Variants in SETD1B observed in about 807,000 individuals in gnomAD.
SETD1B encodes the protein histone-lysine N-methyltransferase SETD1B.
Under a neutral mutation model 148.0 loss-of-function variants are expected in SETD1B, and 7 were observed. The observed-to-expected ratio is 0.05, with a 90% CI of 0.03 to 0.09. SETD1B has a LOEUF of 0.09. SETD1B is among the 10% of genes least tolerant of loss of function. The pLI is 1.00. For synonymous variants in SETD1B, 1,361 were observed against 1,186.5 expected, an observed-to-expected ratio of 1.15 and a Z score of -3.02; for missense variants, 2,155 against 2,729.9, an observed-to-expected ratio of 0.79 and a Z score of 4.69.
In SETD1B at chr12:121,806,025, G is replaced by T; in HGVS notation, c.464G>T (p.Arg155Leu). The T allele has an allele frequency of 1.3e-6, 2 of 1,551,542 alleles. No homozygotes were observed. The highest frequency in any genetic ancestry group is 1.7e-6 in the Non-Finnish European group (2 of 1,146,924). ...GCCAAGGTGGTCTTTGCCACGGTCC[G>T]GGGAGCCAAGGATGCCGTTCAGCAC... ...GIAKVVFATV[R>L]GAKDAVQHLH... is the part of the protein sequence containing the mutation. Residue 155 changes from arginine to leucine, a missense_variant, in exon 4 of 17, where the codon CGG becomes CTG. Arg to Leu is a moderately radical substitution (Grantham distance 102). Coordinates refer to ENST00000604567, the MANE Select transcript of SETD1B (RefSeq NM_001353345.2).
intron 5 of SETD1B, among the ~76,000 whole-genome samples, chr12:121,809,014 C>T (rs558534281): frequency 6.6e-6 from 1 of 152,202 alleles, no homozygotes; most frequent in South Asian, 2.1e-4. Context: ...GGATTACAGG[C>T]ACACGCCACC....
Position 121,808,063 on chromosome 12 carries a change from G to T in SETD1B, c.545-145G>T. ...GGGACCCTGAGCGAGGTGCAGAGGGGTGGGAACTCAGGGCCACACAGCCTC... is the reference window on the plus strand; with the variant it reads ...GGGACCCTGAGCGAGGTGCAGAGGGTTGGGAACTCAGGGCCACACAGCCTC... On this transcript the variant is annotated intron_variant, in intron 4 of 16. Coordinates refer to ENST00000604567, the MANE Select transcript of SETD1B (RefSeq NM_001353345.2). The surrounding 1 kb of genome is among the most constrained non-coding windows in gnomAD (Gnocchi z 5.3). 3 of 607,178 alleles carry T rather than the reference G, an allele frequency of 4.9e-6. No homozygotes were observed. Among genetic ancestry groups the T allele is most frequent in the Non-Finnish European group, 8.9e-6 (3 of 338,682 alleles). The allele number at this position is 607,178 out of a possible 1,614,324, so 37.6% of individuals were successfully genotyped here. A position where few individuals can be genotyped will look rare whatever the true frequency, so the allele number is the denominator to read the frequency against.
At chr12:121,796,582 CCT>C in the SETD1B span, among the ~76,000 whole-genome samples, 1 of 152,236 alleles carries the variant, frequency 6.6e-6, no homozygotes. Context: ...GAAGCTACTC[CCT>C]GAGGTCCCAG....
chr12:121,806,672 C>T (rs185951204), intron 4 of SETD1B, among the ~76,000 whole-genome samples: 1 of 152,268 alleles, frequency 6.6e-6, no homozygotes, highest in East Asian at 1.9e-4. Context: ...AGAGCAGAGC[C>T]GGGAAGAGGG....
At chr12:121,799,178 T>G (rs1019320701), upstream of SETD1B, 1 of 152,220 alleles carries the variant, frequency 6.6e-6, no homozygotes, top group Non-Finnish European at 1.5e-5. Context: ...AGCCCTGTTT[T>G]CGGAGATGGA....
Position 121,810,275 on chromosome 12 carries a change from G to A in SETD1B, c.1330G>A (p.Ala444Thr), listed in dbSNP as rs1440946343. Residue 444 changes from alanine (A) to threonine (T), a missense_variant, in exon 6 of 17, where the codon GCC (alanine) becomes ACC (threonine). By Grantham distance (58) the Ala-to-Thr change is moderately conservative. Around this residue, in one of 11 missense-constraint regions of SETD1B, gnomAD observed 376 missense variants for 385.0 expected, o/e 0.98. Transcript: ENST00000604567. This position sits in a 1 kb window ranked among gnomAD's most constrained non-coding sequence, Gnocchi z 7.6. ...ACCCCTGCCACCTGCTGAGCCTCTG[G>A]CCAAGGAGAAGCCAGGCACGCCACC... Reference protein sequence around the residue: ...PPPLPPAEPLAKEKPGTPPGP... With the variant: ...PPPLPPAEPLTKEKPGTPPGP... 3.2e-6 allele frequency: 5 copies of A among 1,544,524 alleles called. No individual in the cohort carries two copies. Among genetic ancestry groups the A allele is most frequent in the Non-Finnish European group, 3.5e-6 (4 of 1,146,726 alleles).
In SETD1B at chr12:121,817,827, G is replaced by C. The variant is rs937609048; in HGVS notation, c.3341G>C (p.Arg1114Pro). 2 of 1,550,972 alleles carry C rather than the reference G, an allele frequency of 1.3e-6. No individual in the cohort carries two copies. Among genetic ancestry groups the C allele is most frequent in the Non-Finnish European group, 1.7e-6 (2 of 1,146,646 alleles). The change falls in exon 10 of 17, where the codon CGG (arginine) becomes CCG (proline). Residue 1114 changes from arginine (R) to proline (P), a missense_variant. Physicochemically the swap from Arg to Pro is moderately radical, Grantham distance 103. Coordinates refer to ENST00000604567, the MANE Select transcript of SETD1B (RefSeq NM_001353345.2). The surrounding 1 kb of genome is among the most constrained non-coding windows in gnomAD (Gnocchi z 8.1). The stretch of plus-strand genomic sequence containing the variant: ...GACGACGATGACGACAGTGATGACC[G>C]GGACGAGTCTGAGAACGATGACGAG... ...KDDDDDDSDD[R>P]DESENDDEDT...
the SETD1B span, among the ~76,000 whole-genome samples, chr12:121,798,898 G>T: frequency 6.6e-6 from 1 of 152,250 alleles, no homozygotes; most frequent in African/African-American, 2.4e-5. Context: ...GCTAGCGTTA[G>T]AATGAAATCA....
Position 121,830,643 on chromosome 12 carries a change from A to G in SETD1B, c.*404A>G, listed in dbSNP as rs2137595231. On this transcript the variant is annotated 3_prime_UTR_variant, in exon 17 of 17. Coordinates refer to ENST00000604567, the MANE Select transcript of SETD1B (RefSeq NM_001353345.2). The surrounding 1 kb of genome is among the most constrained non-coding windows in gnomAD (Gnocchi z 5.7). ...CTATTTTTTTCCTCGTTGTGAGAAA[A>G]GACATTTAACCGTTGAAATGTGAAG... 6.2e-6 allele frequency: 1 copy of G among 160,928 alleles called. No homozygotes were observed. Among genetic ancestry groups the G allele is most frequent in the Non-Finnish European group, 1.4e-5 (1 of 73,692 alleles). 10.0% of individuals were successfully genotyped at this position (160,928 alleles called of 1,614,324 possible).
chr12:121,806,250 G>T, intron 4 of SETD1B, 145 bp downstream of exon 4: 1 of 873,734 alleles, frequency 1.1e-6, no homozygotes, highest in Non-Finnish European at 1.7e-6. Context: ...CCTCCTGAGG[G>T]TAGAGTCGCG....
rs1359754561 is a variant in SETD1B at position 121,823,265 on chromosome 12, C to T, written c.4686C>T (p.Pro1562=). Residue 1562 remains proline (P), a synonymous_variant, in exon 12 of 17, where the codon CCC becomes CCT. Transcript: ENST00000604567. Reference sequence around the variant, plus strand: ...GCCAGCCACAGACCCCCGTCTTCCCCAGCACCCATGACCCCCGGACGGTGA... The same window carrying T: ...GCCAGCCACAGACCCCCGTCTTCCCTAGCACCCATGACCCCCGGACGGTGA... ...LPGQPQTPVF[P]STHDPRTVTL... 3 of 1,550,006 alleles carry T rather than the reference C, an allele frequency of 1.9e-6. No homozygotes were observed. Among genetic ancestry groups the T allele is most frequent in the East Asian group, 4.9e-5 (2 of 40,904 alleles).
intron 12 of SETD1B, 126 bp from the exon 13 acceptor site, chr12:121,825,074 T>G (rs986664748): frequency 1.1e-6 from 1 of 948,278 alleles, no homozygotes; most frequent in East Asian, 2.7e-5. Flanking sequence ...GGAGGTGGCA[T>G]GGGAGTGGGC....
In SETD1B at chr12:121,809,930, T is replaced by C; in HGVS notation, c.985T>C (p.Tyr329His). Reference protein sequence around the residue: ...DAYNRRHEHHYVHNSPAVTAV... With the variant: ...DAYNRRHEHHHVHNSPAVTAV... ...CTACAACCGCCGCCACGAACATCAT[T>C]ATGTACACAATTCTCCCGCGGTCAC... Residue 329 changes from tyrosine (Y) to histidine (H), a missense_variant, in exon 6 of 17, where the codon TAT becomes CAT. By Grantham distance (83) the Tyr-to-His change is moderately conservative (BLOSUM62 2). Transcript: ENST00000604567. 1 of 1,551,010 alleles carries C rather than the reference T, an allele frequency of 6.4e-7. No homozygotes were observed. The highest frequency in any genetic ancestry group is 8.7e-7 in the Non-Finnish European group (1 of 1,146,928).
chr12:121,817,537 G>A lies in SETD1B; in HGVS notation c.3145G>A (p.Ala1049Thr), dbSNP rs771637722. The A allele has an allele frequency of 3.2e-5, 50 of 1,551,446 alleles. No homozygotes were observed. Among genetic ancestry groups the A allele is most frequent in the South Asian group, 7.1e-5 (6 of 84,068 alleles). Residue 1049 changes from alanine to threonine, a missense_variant, in exon 9 of 17, where the codon GCG (alanine) becomes ACG (threonine). By Grantham distance (58) the Ala-to-Thr change is moderately conservative. Coordinates refer to ENST00000604567, the MANE Select transcript of SETD1B (RefSeq NM_001353345.2). The surrounding 1 kb of genome is among the most constrained non-coding windows in gnomAD (Gnocchi z 8.1). The stretch of plus-strand genomic sequence containing the variant: ...ATTGTCGGCGTCCTCGTCCTCATCC[G>A]CGTCATCATCCTCGGGGTCCTCAAC... Reference protein sequence around the residue: ...ESLSASSSSSASSSSGSSTTS... With the variant: ...ESLSASSSSSTSSSSGSSTTS...
At chr12:121,801,042 G>A (rs1400383445), upstream of SETD1B, 6 of 152,226 alleles carry the variant, frequency 3.9e-5, no homozygotes, top group Non-Finnish European at 2.9e-5. Flanking sequence ...GGAGGAGCGA[G>A]CGCGGCCGGG....
Position 121,819,665 on chromosome 12 carries a change from CGTT to C in SETD1B, c.3682_3684del (p.Leu1228del), listed in dbSNP as rs1876473899. ...GCCCCGGGGGCACCTGCAGTGGACTCGTTGGGCATGGAAGAGGAGGTGGACATC... is the reference window on the plus strand; with the variant it reads ...GCCCCGGGGGCACCTGCAGTGGACTCGGGCATGGAAGAGGAGGTGGACATC... On this transcript the variant is annotated inframe_deletion, in exon 11 of 17. Coordinates refer to ENST00000604567, the MANE Select transcript of SETD1B (RefSeq NM_001353345.2). 1 of 1,551,362 alleles carries C rather than the reference CGTT, an allele frequency of 6.4e-7. No homozygotes were observed. The highest frequency in any genetic ancestry group is 1.4e-5 in the African/African-American group (1 of 73,122).
At position 121,822,744 on chromosome 12, in the gene SETD1B, C is replaced by G. The variant is rs1442956177; in HGVS notation, c.4165C>G (p.Leu1389Val). Residue 1389 changes from leucine (L) to valine (V), a missense_variant, in exon 12 of 17, where the codon CTA becomes GTA. By Grantham distance (32) the Leu-to-Val change is conservative (BLOSUM62 1). Coordinates refer to ENST00000604567, the MANE Select transcript of SETD1B (RefSeq NM_001353345.2). ...AGCCACACCAGGCGGGGAGCCCCCGCTATCAGGGGGCAGCAGTGGCCTGTC... is the reference window on the plus strand; with the variant it reads ...AGCCACACCAGGCGGGGAGCCCCCGGTATCAGGGGGCAGCAGTGGCCTGTC... The part of the protein sequence containing the change: ...VPATPGGEPP[L>V]SGGSSGLSLS... 5.9e-6 allele frequency: 9 copies of G among 1,516,716 alleles called. No individual in the cohort carries two copies. The East Asian group carries it at 2.2e-4, about 38-fold the overall frequency. 94.0% of individuals were successfully genotyped at this position (1,516,716 alleles called of 1,614,324 possible). A position where few individuals can be genotyped will look rare whatever the true frequency, so the allele number is the denominator to read the frequency against.
At position 121,804,154 on chromosome 12, in the gene SETD1B, C is replaced by A; in HGVS notation, c.-94C>A. The A allele has an allele frequency of 6.7e-6, 1 of 149,902 alleles. No homozygotes were observed. The highest frequency in any genetic ancestry group is 1.8e-4 in the South Asian group (1 of 5,642). The allele number at this position is 149,902 out of a possible 1,614,324, so 9.3% of individuals were successfully genotyped here. A position where few individuals can be genotyped will look rare whatever the true frequency, so the allele number is the denominator to read the frequency against. On this transcript the variant is annotated 5_prime_UTR_variant, in exon 1 of 17. Transcript: ENST00000604567. The surrounding 1 kb of genome is among the most constrained non-coding windows in gnomAD (Gnocchi z 4.6). Reference sequence around the variant, plus strand: ...GCGCCCCCCCTTCCTGGCCCCCGGTCCGGCCGCCCCGGCCTCGGCTCCCTC... The same window carrying A: ...GCGCCCCCCCTTCCTGGCCCCCGGTACGGCCGCCCCGGCCTCGGCTCCCTC...
In SETD1B at chr12:121,822,738, C is replaced by T. The variant is rs867796739; in HGVS notation, c.4159C>T (p.Pro1387Ser). 2 of 1,515,922 alleles carry T rather than the reference C, an allele frequency of 1.3e-6. No homozygotes were observed. Among genetic ancestry groups the T allele is most frequent in the Non-Finnish European group, 1.8e-6 (2 of 1,124,388 alleles). 93.9% of individuals were successfully genotyped at this position (1,515,922 alleles called of 1,614,324 possible). A position where few individuals can be genotyped will look rare whatever the true frequency, so the allele number is the denominator to read the frequency against. ...GGTGCCAGCCACACCAGGCGGGGAGCCCCCGCTATCAGGGGGCAGCAGTGG... is the reference window on the plus strand; with the variant it reads ...GGTGCCAGCCACACCAGGCGGGGAGTCCCCGCTATCAGGGGGCAGCAGTGG... ...ETVPATPGGEPPLSGGSSGLS... is the reference protein window; with the variant it reads ...ETVPATPGGESPLSGGSSGLS... The change falls in exon 12 of 17, where the codon CCC becomes TCC. Residue 1387 changes from proline to serine, a missense_variant. By Grantham distance (74) the Pro-to-Ser change is moderately conservative. Coordinates refer to ENST00000604567, the MANE Select transcript of SETD1B (RefSeq NM_001353345.2).
Sources: allele counts gnomAD v4.1 joint callset (sites outside exome capture counted in the v4.1 genomes callset), GRCh38; gene constraint gnomAD v4.1.1; regional missense constraint gnomAD v4.1.1; non-coding constraint Gnocchi (gnomAD v3.1); transcripts MANE v1.5; gene names NCBI Gene and HGNC (gene_info 2026-07-23, HGNC 2026-07-21).